CCDC174: variants seen among roughly 807,000 people sequenced by gnomAD.
CCDC174 encodes the protein coiled-coil domain-containing protein 174.
A neutral mutation model predicts 57.1 loss-of-function variants in CCDC174; 37 were observed. That is an observed-to-expected ratio of 0.65 (90% CI 0.50 to 0.85). CCDC174 has a LOEUF of 0.85. CCDC174 is among the 40% of genes least tolerant of loss of function. The pLI, the probability that CCDC174 is intolerant of heterozygous loss-of-function variation, is 0.00. For synonymous variants in CCDC174, 182 were observed against 190.2 expected (o/e 0.96, Z 0.35); for missense variants, 540 against 574.3 (o/e 0.94, Z 0.61).
At chr3:14,664,874 AAGC>A in intron 5 of CCDC174, 151 bp from the exon 6 acceptor site, 1 of 641,246 alleles carries the variant, frequency 1.6e-6, no homozygotes, top group Non-Finnish European at 2.8e-6. Flanking sequence ...CAGCTTTAAA[AAGC>A]ATATTCCTAT....
rs373159876 is a variant in CCDC174 at position 14,654,159 on chromosome 3, T to G, written c.43-267T>G. The stretch of plus-strand genomic sequence containing the variant: ...GACTTTATTAATTTATTTTGCTTTA[T>G]CACTTTCTCCTTGCCTAAGGAAAGC... On this transcript the variant is annotated intron_variant, in intron 1 of 10. Coordinates refer to ENST00000383794, the MANE Select transcript of CCDC174 (RefSeq NM_016474.5). Among the ~76,000 whole-genome samples, 7 of 152,364 alleles carry G rather than the reference T, an allele frequency of 4.6e-5. No individual in the cohort carries two copies. The East Asian group carries it at 1.2e-3, about 25-fold the overall frequency.
rs767004993 is a variant in CCDC174 at position 14,661,664 on chromosome 3, C to G, written c.442C>G (p.Pro148Ala). Residue 148 changes from proline (P) to alanine (A), a missense_variant, in exon 5 of 11, where the codon CCT becomes GCT. Coordinates refer to ENST00000383794, the MANE Select transcript of CCDC174 (RefSeq NM_016474.5). ...GERDDDEENL[P>A]EGEIPPPQDP... is the part of the protein sequence containing the mutation. ...AAGGGACGACGATGAGGAAAACCTTCCTGAGGGAGAGATCCCTCCTCCCCA... is the reference window on the plus strand; with the variant it reads ...AAGGGACGACGATGAGGAAAACCTTGCTGAGGGAGAGATCCCTCCTCCCCA... 6.2e-7 allele frequency: 1 copy of G among 1,614,114 alleles called. No homozygotes were observed. The highest frequency in any genetic ancestry group is 1.7e-5 in the Admixed American group (1 of 60,018).
At chr3:14,652,842 C>A (rs1239274789) in intron 1 of CCDC174, among the ~76,000 whole-genome samples, 2 of 146,370 alleles carry the variant, frequency 1.4e-5, no homozygotes, top group Non-Finnish European at 3.0e-5. Flanking sequence ...GCGGAGGTTG[C>A]GGTGAGCCGA....
chr3:14,665,473 C>CT (rs1575072137), intron 6 of CCDC174, among the ~76,000 whole-genome samples: 1 of 152,134 alleles, frequency 6.6e-6, no homozygotes, highest in East Asian at 1.9e-4. Context: ...ACAAGTGGCT[C>CT]TAGGGAGAGA....
intron 3 of CCDC174, among the ~76,000 whole-genome samples, chr3:14,656,076 C>G (rs1278397204): frequency 6.6e-6 from 1 of 152,154 alleles, no homozygotes; most frequent in Non-Finnish European, 1.5e-5. Context: ...CACACACACA[C>G]GCGTGTGTAG....
intron 4 of CCDC174, among the ~76,000 whole-genome samples, chr3:14,660,647 G>T (rs1254866875): frequency 1.3e-5 from 2 of 152,236 alleles, no homozygotes; most frequent in Non-Finnish European, 2.9e-5. Context: ...CCTACCTCCT[G>T]ATAGATATGT....
chr3:14,671,365 T>TTGGCTGTTCATTTTATTCTAA lies in CCDC174; in HGVS notation c.*172_*192dup, dbSNP rs1370043726. ...GGAAAGTTATGGAAACTTTGGCCAC[T>TTGGCTGTTCATTTTATTCTAA]TGGCTGTTCATTTTATTCTAAGTGG... On this transcript the variant is annotated 3_prime_UTR_variant, in exon 11 of 11. Coordinates refer to ENST00000383794, the MANE Select transcript of CCDC174 (RefSeq NM_016474.5). 4 of 639,470 alleles carry TTGGCTGTTCATTTTATTCTAA rather than the reference T, an allele frequency of 6.3e-6. No homozygotes were observed. Among genetic ancestry groups the TTGGCTGTTCATTTTATTCTAA allele is most frequent in the African/African-American group, 5.5e-5 (3 of 54,568 alleles). The allele number at this position is 639,470 out of a possible 1,614,324, so 39.6% of individuals were successfully genotyped here. A position where few individuals can be genotyped will look rare whatever the true frequency, so the allele number is the denominator to read the frequency against.
chr3:14,666,024 C>G (rs377183054), intron 6 of CCDC174, among the ~76,000 whole-genome samples: 2 of 114,826 alleles, frequency 1.7e-5, no homozygotes, highest in Non-Finnish European at 3.3e-5. Flanking sequence ...GGCTACAGAG[C>G]GAGACTCCGT....
At chr3:14,654,269 C>T (rs1402496474) in intron 1 of CCDC174, among the ~76,000 whole-genome samples, 157 bp from the exon 2 acceptor site, 7 of 152,158 alleles carry the variant, frequency 4.6e-5, no homozygotes, top group African/African-American at 1.2e-4. Context: ...GTACTGGATT[C>T]TACATTTAAA....
chr3:14,654,419 A>G lies in CCDC174; in HGVS notation c.43-7A>G. On this transcript the variant is annotated splice_region_variant and splice_polypyrimidine_tract_variant and intron_variant, in intron 1 of 10. Coordinates refer to ENST00000383794, the MANE Select transcript of CCDC174 (RefSeq NM_016474.5). ...ATATTTTTGTTTACTTACTGCTTTC[A>G]TTCTAGTTGGTAGATCTTAAGGCTG... 6.7e-7 allele frequency: 1 copy of G among 1,491,310 alleles called. No individual in the cohort carries two copies. Among genetic ancestry groups the G allele is most frequent in the Non-Finnish European group, 9.3e-7 (1 of 1,080,134 alleles). 92.4% of individuals were successfully genotyped at this position (1,491,310 alleles called of 1,614,324 possible).
intron 3 of CCDC174, 81 bp from the exon 4 acceptor site, chr3:14,658,790 C>A: frequency 7.1e-7 from 1 of 1,416,274 alleles, no homozygotes; most frequent in South Asian, 1.2e-5. Context: ...GCAGATGGTA[C>A]CTGTCAGGCA....
Position 14,667,461 on chromosome 3 carries a change from C to T in CCDC174, c.762C>T (p.Ala254=). The part of the protein sequence containing the change: ...RQLGVGYFAF[A]RDKELRNKQM... Reference sequence around the variant, plus strand: ...TTGGTGTTGGGTATTTTGCCTTTGCCCGAGACAAAGAGTTGAGAAACAAGC... The same window carrying T: ...TTGGTGTTGGGTATTTTGCCTTTGCTCGAGACAAAGAGTTGAGAAACAAGC... The change falls in exon 8 of 11, where the codon GCC becomes GCT. Residue 254 remains alanine (A), a synonymous_variant. Coordinates refer to ENST00000383794, the MANE Select transcript of CCDC174 (RefSeq NM_016474.5). 6.2e-7 allele frequency: 1 copy of T among 1,613,658 alleles called. No individual in the cohort carries two copies. Among genetic ancestry groups the T allele is most frequent in the Non-Finnish European group, 8.5e-7 (1 of 1,179,938 alleles).
At chr3:14,669,873 T>A (rs1331745949) in intron 9 of CCDC174, 61 bp from the exon 10 acceptor site, 1 of 1,547,634 alleles carries the variant, frequency 6.5e-7, no homozygotes, top group African/African-American at 1.4e-5. Flanking sequence ...GCATGTTCTG[T>A]ATTTTTAAAA....
chr3:14,668,632 G>A (rs563158680), intron 9 of CCDC174, among the ~76,000 whole-genome samples: 3 of 152,174 alleles, frequency 2.0e-5, no homozygotes, highest in South Asian at 2.1e-4. Context: ...TGCTCCAGAA[G>A]TTGGTGATGT....
intron 3 of CCDC174, among the ~76,000 whole-genome samples, chr3:14,658,480 A>G (rs1304741183): frequency 6.6e-6 from 1 of 152,252 alleles, no homozygotes; most frequent in Non-Finnish European, 1.5e-5. Flanking sequence ...CTGTGAGCAG[A>G]GAGGCTGCTT....
intron 3 of CCDC174, 81 bp downstream of exon 3, chr3:14,655,710 T>A (rs533165669): frequency 1.4e-5 from 12 of 834,710 alleles, no homozygotes; most frequent in African/African-American, 7.1e-5. Flanking sequence ...TTTGTCCTTT[T>A]TGATTTACAA....
At chr3:14,665,981 T>C (rs1575072388) in intron 6 of CCDC174, among the ~76,000 whole-genome samples, 1 of 137,474 alleles carries the variant, frequency 7.3e-6, no homozygotes, top group South Asian at 2.2e-4. Context: ...GAGCCTGCAG[T>C]GAGCCAAGAT....
chr3:14,667,557 A>C, intron 8 of CCDC174, 39 bp downstream of exon 8: 1 of 1,499,900 alleles, frequency 6.7e-7, no homozygotes, highest in South Asian at 1.1e-5. Context: ...GAAAGATGTG[A>C]GCGCTTGGTT....
chr3:14,656,816 A>C (rs2030974014), intron 3 of CCDC174, among the ~76,000 whole-genome samples: 1 of 152,234 alleles, frequency 6.6e-6, no homozygotes, highest in East Asian at 1.9e-4. Flanking sequence ...AAGAAAAGAC[A>C]GCATCACCCT....
Sources: gnomAD v4.1 joint callset for allele counts (sites outside exome capture counted in the v4.1 genomes callset) on GRCh38, gnomAD v4.1.1 for gene constraint, MANE v1.5 for transcripts, NCBI Gene and HGNC (gene_info 2026-07-23, HGNC 2026-07-21) for gene names.